TNRC6A: variants seen among roughly 807,000 people sequenced by gnomAD.
The protein encoded by TNRC6A is trinucleotide repeat containing adaptor 6A.
A neutral mutation model predicts 221.2 loss-of-function variants in TNRC6A; 44 were observed. The observed-to-expected ratio is 0.20, with a 90% CI of 0.16 to 0.26. The LOEUF (loss-of-function observed/expected upper bound fraction) is 0.26, where lower values mean the gene tolerates loss of function less well. Among genes scored for constraint, TNRC6A ranks in the 10% least tolerant of loss-of-function variants. TNRC6A has a pLI of 1.00. For synonymous variants in TNRC6A, 847 were observed against 838.5 expected, an observed-to-expected ratio of 1.01 and a Z score of -0.18; for missense variants, 2,199 against 2,404.4, an observed-to-expected ratio of 0.91 and a Z score of 1.79.
Position 24,790,246 on chromosome 16 carries a change from C to T in TNRC6A, c.1604C>T (p.Ser535Leu), listed in dbSNP as rs1210274335. 3.1e-6 allele frequency: 5 copies of T among 1,614,080 alleles called. No homozygotes were observed. Among genetic ancestry groups the T allele is most frequent in the Non-Finnish European group, 4.2e-6 (5 of 1,180,050 alleles). Reference sequence around the variant, plus strand: ...TCTAATTACTCTGGAGACAAATGTTCAGGCCCTAATGGCCAAGCTAATGGT... The same window carrying T: ...TCTAATTACTCTGGAGACAAATGTTTAGGCCCTAATGGCCAAGCTAATGGT... The part of the protein sequence containing the change: ...YGSNYSGDKC[S>L]GPNGQANGDT... Residue 535 changes from serine to leucine, a missense_variant, in exon 6 of 25, where the codon TCA (serine) becomes TTA (leucine). Ser to Leu is a moderately radical substitution (Grantham distance 145). This residue lies in a region of TNRC6A where 1,405 missense variants were observed against 1,400.2 expected (regional missense o/e 1.00). Coordinates refer to ENST00000395799, the MANE Select transcript of TNRC6A (RefSeq NM_014494.4).
chr16:24,815,172 G>A lies in TNRC6A; in HGVS notation c.4698G>A (p.Leu1566=), dbSNP rs2058629874. The A allele has an allele frequency of 3.7e-6, 6 of 1,614,032 alleles. No individual in the cohort carries two copies. The African/African-American group carries it at 4.0e-5, about 11-fold the overall frequency. The change falls in exon 19 of 25, where the codon CTG becomes CTA. Residue 1566 remains leucine, a synonymous_variant. Coordinates refer to ENST00000395799, the MANE Select transcript of TNRC6A (RefSeq NM_014494.4). ...KHGAISSGFR[L]EESPFVPYDF... is the part of the protein sequence containing the mutation. ...GTGCTATTTCAAGTGGTTTCAGGCT[G>A]GAAGAGTCTCCATTTGTTCCCTATG...
chr16:24,790,973 C>T lies in TNRC6A; in HGVS notation c.2331C>T (p.Thr777=). The T allele has an allele frequency of 6.2e-7, 1 of 1,607,384 alleles. No individual in the cohort carries two copies. Among genetic ancestry groups the T allele is most frequent in the Non-Finnish European group, 8.5e-7 (1 of 1,176,800 alleles). The change falls in exon 6 of 25, where the codon ACC becomes ACT. Residue 777 remains threonine, a synonymous_variant. Coordinates refer to ENST00000395799, the MANE Select transcript of TNRC6A (RefSeq NM_014494.4). ...IDKTSPNGND[T]SSVSGWGDPK... Reference sequence around the variant, plus strand: ...AGACTAGCCCTAATGGTAATGATACCTCATCTGTATCAGGGTGGGGCGATC... The same window carrying T: ...AGACTAGCCCTAATGGTAATGATACTTCATCTGTATCAGGGTGGGGCGATC...
At chr16:24,619,599 A>G (rs1304497065) in intron 1 of TNRC6A, among the ~76,000 whole-genome samples, 1 of 152,198 alleles carries the variant, frequency 6.6e-6, no homozygotes, top group Non-Finnish European at 1.5e-5. Flanking sequence ...CATTACAGAC[A>G]AGGTAAAAAT....
At chr16:24,806,896 T>G in intron 17 of TNRC6A, 112 bp downstream of exon 17, 1 of 1,022,274 alleles carries the variant, frequency 9.8e-7, no homozygotes, top group Non-Finnish European at 1.5e-6. Flanking sequence ...ATTGATCTCT[T>G]AGCTGTTCCC....
At chr16:24,804,382 C>G (rs990095704) in intron 12 of TNRC6A, 63 bp downstream of exon 12, 6 of 1,538,568 alleles carry the variant, frequency 3.9e-6, no homozygotes, top group Non-Finnish European at 5.3e-6. Context: ...GTAATTTTCA[C>G]ACTAATATTT....
chr16:24,629,659 T>C (rs1301766043), intron 1 of TNRC6A, among the ~76,000 whole-genome samples: 1 of 152,164 alleles, frequency 6.6e-6, no homozygotes, highest in Non-Finnish European at 1.5e-5. Context: ...TATTAGCCTT[T>C]TTTAAAAATT....
At chr16:24,738,044 G>T (rs1263142725) in intron 2 of TNRC6A, among the ~76,000 whole-genome samples, 1 of 152,190 alleles carries the variant, frequency 6.6e-6, no homozygotes, top group African/African-American at 2.4e-5. Flanking sequence ...CATAAAATGT[G>T]CATTCTCTAC....
rs1165511560 is a variant in TNRC6A at position 24,826,038 on chromosome 16, T to G, written c.*2231T>G. 6.5e-6 allele frequency: 1 copy of G among 152,676 alleles called. No homozygotes were observed. 9.5% of individuals were successfully genotyped at this position (152,676 alleles called of 1,614,324 possible). ...GTATATTGACTTCCATACTGGTTTT[T>G]CCAAAAACCAAAGGTAGCTTTGAAA... On this transcript the variant is annotated 3_prime_UTR_variant, in exon 25 of 25. Transcript: ENST00000395799.
In TNRC6A at chr16:24,820,307, C is replaced by A; in HGVS notation, c.5249C>A (p.Ser1750Tyr). Residue 1750 changes from serine (S) to tyrosine (Y), a missense_variant, in exon 22 of 25, where the codon TCT (serine) becomes TAT (tyrosine). By Grantham distance (144) the Ser-to-Tyr change is moderately radical. Transcript: ENST00000395799. ...QKPPLSTWDNSPLRIGGGWGN... is the reference protein window; with the variant it reads ...QKPPLSTWDNYPLRIGGGWGN... ...CCACCCTTGTCTACGTGGGATAATT[C>A]TCCCCTTCGTATAGGTGGAGGATGG... 1 of 1,614,180 alleles carries A rather than the reference C, an allele frequency of 6.2e-7. No individual in the cohort carries two copies. Among genetic ancestry groups the A allele is most frequent in the Non-Finnish European group, 8.5e-7 (1 of 1,180,046 alleles).
intron 2 of TNRC6A, among the ~76,000 whole-genome samples, chr16:24,741,632 C>T (rs758749138): frequency 2.0e-5 from 3 of 152,132 alleles, no homozygotes; most frequent in Non-Finnish European, 4.4e-5. Flanking sequence ...CTCTGGTTTG[C>T]AATCTGGGAC....
At chr16:24,741,317 C>T (rs1282834667) in intron 2 of TNRC6A, among the ~76,000 whole-genome samples, 1 of 152,050 alleles carries the variant, frequency 6.6e-6, no homozygotes, top group African/African-American at 2.4e-5. Flanking sequence ...TTCTTTTATT[C>T]CTGTTTTGAG....
In TNRC6A at chr16:24,784,924, C is replaced by T. The variant is rs1049782222; in HGVS notation, c.590-4308C>T. On this transcript the variant is annotated intron_variant, in intron 5 of 24. Transcript: ENST00000395799. ...TAACATTAACAAGTGAAATCTGCCA[C>T]GTATGGTTTATGTATAAAAATACTT... Among the ~76,000 whole-genome samples, 7 of 152,208 alleles carry T rather than the reference C, an allele frequency of 4.6e-5. No homozygotes were observed. The East Asian group carries it at 9.6e-4, about 21-fold the overall frequency.
intron 2 of TNRC6A, chr16:24,663,780 C>G: frequency 2.7e-6 from 1 of 375,910 alleles, no homozygotes; most frequent in Admixed American, 3.1e-5. Flanking sequence ...CAGTGTCCAG[C>G]CCCTCCAGAG....
intron 4 of TNRC6A, among the ~76,000 whole-genome samples, chr16:24,772,019 C>G (rs532492985): frequency 3.7e-4 from 56 of 152,232 alleles, no homozygotes; most frequent in Non-Finnish European, 6.6e-4. Flanking sequence ...GTAGTTGTCA[C>G]AGATTCTGTG....
rs1279507790 is a variant in TNRC6A, at chr16:24,804,263, T to G, written c.3781T>G (p.Ser1261Ala). The G allele has an allele frequency of 6.2e-7, 1 of 1,613,622 alleles. No homozygotes were observed. The highest frequency in any genetic ancestry group is 8.5e-7 in the Non-Finnish European group (1 of 1,179,944). The part of the protein sequence containing the change: ...YNRTVGKGPG[S>A]RPQISKESSM... ...TCGAACGGTCGGGAAAGGCCCTGGTTCTCGGCCTCAGATTTCCAAAGAGTC... is the reference window on the plus strand; with the variant it reads ...TCGAACGGTCGGGAAAGGCCCTGGTGCTCGGCCTCAGATTTCCAAAGAGTC... The change falls in exon 12 of 25, where the codon TCT (serine) becomes GCT (alanine). Residue 1261 changes from serine to alanine, a missense_variant. Transcript: ENST00000395799.
chr16:24,684,493 T>G (rs906202241), intron 2 of TNRC6A, among the ~76,000 whole-genome samples: 4 of 152,096 alleles, frequency 2.6e-5, no homozygotes, highest in African/African-American at 9.7e-5. Flanking sequence ...GTATTCTTCT[T>G]TGGATTCTTT....
At chr16:24,684,419 A>G (rs2055588376) in intron 2 of TNRC6A, among the ~76,000 whole-genome samples, 1 of 151,950 alleles carries the variant, frequency 6.6e-6, no homozygotes, top group Non-Finnish European at 1.5e-5. Context: ...ACAAAAACAT[A>G]ACACAATTTT....
At chr16:24,701,126 G>A (rs986819806) in intron 2 of TNRC6A, among the ~76,000 whole-genome samples, 2 of 152,214 alleles carry the variant, frequency 1.3e-5, no homozygotes, top group African/African-American at 2.4e-5. Context: ...CAGAGAGCAC[G>A]AGGCTCAAAG....
At chr16:24,775,276 T>G (rs946314229) in intron 4 of TNRC6A, among the ~76,000 whole-genome samples, 7 of 152,132 alleles carry the variant, frequency 4.6e-5, no homozygotes, top group African/African-American at 1.7e-4. Flanking sequence ...AAGAGACTCA[T>G]CAGTGAGCAT....
Sources: allele counts gnomAD v4.1 joint callset (sites outside exome capture counted in the v4.1 genomes callset), GRCh38; gene constraint gnomAD v4.1.1; regional missense constraint gnomAD v4.1.1; transcripts MANE v1.5; gene names NCBI Gene and HGNC (gene_info 2026-07-23, HGNC 2026-07-21).